PCSK6: variants seen among roughly 807,000 people sequenced by gnomAD.
The protein encoded by PCSK6 is proprotein convertase subtilisin/kexin type 6, also known as paired basic amino acid cleaving enzyme 4.
Under a neutral mutation model 123.3 loss-of-function variants are expected in PCSK6, and 85 were observed. That is an observed-to-expected ratio of 0.69 (90% CI 0.58 to 0.83). The LOEUF is 0.83. Among genes scored for constraint, PCSK6 ranks in the 40% least tolerant of loss-of-function variants. PCSK6 has a pLI of 0.00. For synonymous variants in PCSK6, 508 were observed against 516.0 expected (o/e 0.98, Z 0.21); for missense variants, 1,191 against 1,282.3 (o/e 0.93, Z 1.09).
intron 3 of PCSK6, 99 bp from the exon 4 acceptor site, chr15:101,431,562 A>C: frequency 6.9e-7 from 1 of 1,459,162 alleles, no homozygotes. Context: ...TAGGCTTGCA[A>C]GTAAAAAAGG....
chr15:101,469,993 G>A (rs911525427), intron 1 of PCSK6, among the ~76,000 whole-genome samples: 30 of 152,166 alleles, frequency 2.0e-4, no homozygotes, highest in African/African-American at 5.1e-4. Context: ...AACAACACGC[G>A]CTGAGTGCTC....
intron 11 of PCSK6, among the ~76,000 whole-genome samples, chr15:101,373,782 G>A (rs780592359): frequency 1.3e-5 from 2 of 152,180 alleles, no homozygotes; most frequent in Non-Finnish European, 2.9e-5. Context: ...TTATTTCTAA[G>A]GTAACGCTGA....
In PCSK6 at chr15:101,489,419, C is replaced by T; in HGVS notation, c.252G>A (p.Glu84=). The stretch of plus-strand genomic sequence containing the variant: ...CGTGCGCCGCCGCCACGCGGTCCGC[C>T]TCGGCCGGGCCGCCCAGCACTTGCA... ...WAVQVLGGPA[E]ADRVAAAHGY... Residue 84 remains glutamate, a synonymous_variant, in exon 1 of 22, where the codon GAG becomes GAA. Transcript: ENST00000611716. 1 of 1,282,958 alleles carries T rather than the reference C, an allele frequency of 7.8e-7. No homozygotes were observed. The highest frequency in any genetic ancestry group is 1.5e-5 in the South Asian group (1 of 66,918). 79.5% of individuals were successfully genotyped at this position (1,282,958 alleles called of 1,614,324 possible).
At chr15:101,485,961 T>G (rs930201533) in intron 1 of PCSK6, among the ~76,000 whole-genome samples, 3 of 146,014 alleles carry the variant, frequency 2.1e-5, no homozygotes, top group African/African-American at 7.7e-5. Context: ...ATTTAAATTT[T>G]TTTTTTTTTT....
chr15:101,318,237 T>A (rs892799262), intron 19 of PCSK6, 82 bp downstream of exon 19: 3 of 1,012,138 alleles, frequency 3.0e-6, no homozygotes, highest in Non-Finnish European at 4.5e-6. Context: ...GCCCACGAAG[T>A]CCTAGGGCTT....
intron 2 of PCSK6, among the ~76,000 whole-genome samples, chr15:101,442,189 C>A (rs563901491): frequency 1.3e-5 from 2 of 152,302 alleles, no homozygotes; most frequent in East Asian, 3.9e-4. Context: ...TGGGGTGAGA[C>A]GGTGCATGTA....
chr15:101,475,195 G>A (rs1336223795), intron 1 of PCSK6, among the ~76,000 whole-genome samples: 1 of 152,198 alleles, frequency 6.6e-6, no homozygotes, highest in Admixed American at 6.5e-5. Flanking sequence ...TCTATTTTAG[G>A]TGGGGACTTT....
At chr15:101,374,974 G>A (rs973981420) in intron 11 of PCSK6, among the ~76,000 whole-genome samples, 2 of 147,956 alleles carry the variant, frequency 1.4e-5, no homozygotes, top group African/African-American at 5.0e-5. Context: ...TTTTTTTTGA[G>A]ATGGAGTCTC....
chr15:101,354,376 C>T (rs940463143), intron 13 of PCSK6, among the ~76,000 whole-genome samples: 7 of 152,268 alleles, frequency 4.6e-5, no homozygotes, highest in African/African-American at 1.4e-4. Context: ...CAAGCACACA[C>T]TCCCATACAC....
In PCSK6 at chr15:101,318,309, G is replaced by A; in HGVS notation, c.2569+10C>T. 6.5e-7 allele frequency: 1 copy of A among 1,548,756 alleles called. No individual in the cohort carries two copies. Among genetic ancestry groups the A allele is most frequent in the East Asian group, 2.4e-5 (1 of 41,036 alleles). Reference sequence around the variant, plus strand: ...CGCTGGCCCGAGGCCTCCGCAGGCGGTGAACTCACCCACGCAGGTTCCGCA... The same window carrying A: ...CGCTGGCCCGAGGCCTCCGCAGGCGATGAACTCACCCACGCAGGTTCCGCA... On this transcript the variant is annotated intron_variant, in intron 19 of 21. Transcript: ENST00000611716.
chr15:101,385,491 A>G (rs1444496154), intron 9 of PCSK6, among the ~76,000 whole-genome samples: 2 of 152,200 alleles, frequency 1.3e-5, no homozygotes, highest in Non-Finnish European at 2.9e-5. Context: ...TCTCAGCCTA[A>G]AAGAACTCTT....
chr15:101,329,484 G>T (rs1270145971), intron 15 of PCSK6, among the ~76,000 whole-genome samples: 1 of 152,216 alleles, frequency 6.6e-6, no homozygotes, highest in Non-Finnish European at 1.5e-5. Context: ...GAACAAGTCT[G>T]GTTTCCTTCC....
chr15:101,340,829 C>T (rs139333017), intron 13 of PCSK6, among the ~76,000 whole-genome samples: 7 of 152,210 alleles, frequency 4.6e-5, no homozygotes, highest in Admixed American at 2.6e-4. Flanking sequence ...TGTCTTTCCC[C>T]CACCACCCTT....
At chr15:101,307,171 C>T (rs2039742152) in intron 21 of PCSK6, 42 bp downstream of exon 21, 3 of 1,454,538 alleles carry the variant, frequency 2.1e-6, no homozygotes, top group South Asian at 1.2e-5. Flanking sequence ...GCCAGCTGAG[C>T]TCCTCCACAG....
chr15:101,464,472 C>T (rs1039910144), intron 1 of PCSK6, among the ~76,000 whole-genome samples: 6 of 152,264 alleles, frequency 3.9e-5, no homozygotes, highest in Admixed American at 2.0e-4. Context: ...AAAAACCAAT[C>T]GCTGATGAGG....
chr15:101,310,349 T>C (rs1199707467), intron 20 of PCSK6, among the ~76,000 whole-genome samples: 1 of 152,122 alleles, frequency 6.6e-6, no homozygotes, highest in Non-Finnish European at 1.5e-5. Context: ...TGCTGCCTCC[T>C]GAGGGGCAAA....
intron 13 of PCSK6, among the ~76,000 whole-genome samples, chr15:101,358,401 CCT>C (rs1567162758): frequency 6.6e-6 from 1 of 152,108 alleles, no homozygotes; most frequent in South Asian, 2.1e-4. Flanking sequence ...GCCGGAAATC[CCT>C]GTTTGCTCCA....
At chr15:101,328,875 G>C (rs117000864) in intron 15 of PCSK6, among the ~76,000 whole-genome samples, 1 of 152,210 alleles carries the variant, frequency 6.6e-6, no homozygotes, top group Non-Finnish European at 1.5e-5. Context: ...CCCATGAAGC[G>C]TTCTTAAATT....
At chr15:101,444,960 G>C (rs939255916) in intron 1 of PCSK6, among the ~76,000 whole-genome samples, 1 of 152,172 alleles carries the variant, frequency 6.6e-6, no homozygotes, top group African/African-American at 2.4e-5. Context: ...TCTCCTTTCC[G>C]GCAACCCTGG....
Sources: allele counts gnomAD v4.1 joint callset (sites outside exome capture counted in the v4.1 genomes callset), GRCh38; gene constraint gnomAD v4.1.1; transcripts MANE v1.5; gene names NCBI Gene and HGNC (gene_info 2026-07-23, HGNC 2026-07-21).